FUT8: variants seen among roughly 807,000 people sequenced by gnomAD.
FUT8 encodes alpha-(1,6)-fucosyltransferase.
In FUT8, 29 loss-of-function variants were observed where a neutral mutation model predicts 71.3. That is an observed-to-expected ratio of 0.41 (90% CI 0.30 to 0.55). FUT8 has a LOEUF of 0.55. Among genes scored for constraint, FUT8 ranks in the 20% least tolerant of loss-of-function variants. FUT8 has a pLI of 0.34. For missense variants in FUT8, 544 were observed against 702.1 expected (o/e 0.77, Z 2.55); for synonymous variants, 254 against 239.3 (o/e 1.06, Z -0.57).
At chr14:65,700,448 T>C in intron 7 of FUT8, among the ~76,000 whole-genome samples, 1 of 130,836 alleles carries the variant, frequency 7.6e-6, no homozygotes, top group Non-Finnish European at 1.6e-5. Context: ...TGGAGTGCAG[T>C]GGCTCAATCT....
intron 2 of FUT8, among the ~76,000 whole-genome samples, chr14:65,460,399 T>C (rs1172709103): frequency 6.6e-6 from 1 of 152,234 alleles, no homozygotes; most frequent in Non-Finnish European, 1.5e-5. Context: ...TATTTGCTTG[T>C]AGCTCCTTTT....
At chr14:65,655,182 A>G (rs980830987) in intron 6 of FUT8, among the ~76,000 whole-genome samples, 2 of 150,364 alleles carry the variant, frequency 1.3e-5, no homozygotes, top group Admixed American at 6.7e-5. Flanking sequence ...AAAGAAAGAT[A>G]GAATGACTGG....
At chr14:65,378,845 T>TC in the FUT8 span, among the ~76,000 whole-genome samples, 1 of 133,566 alleles carries the variant, frequency 7.5e-6, no homozygotes, top group African/African-American at 2.8e-5. Context: ...AGGTTTTTTT[T>TC]TTTTTTTTTT....
In FUT8 at chr14:65,483,894, A is replaced by AT. The variant is rs759685256; in HGVS notation, c.-228+28181dup. Among the ~76,000 whole-genome samples the AT allele has an allele frequency of 2.6e-5, 4 of 152,036 alleles. No individual in the cohort carries two copies. Among genetic ancestry groups the AT allele is most frequent in the Non-Finnish European group, 4.4e-5 (3 of 67,964 alleles). ...ATTGCTCAGCTACCACACCCAGCTA[A>AT]TTTTTGTATTTTTAATAGGGATGGG... On this transcript the variant is annotated intron_variant, in intron 2 of 10. Transcript: ENST00000673929. This position sits in a 1 kb window ranked among gnomAD's most constrained non-coding sequence, Gnocchi z 4.4.
intron 3 of FUT8, among the ~76,000 whole-genome samples, chr14:65,596,206 C>T (rs1887969561): frequency 1.3e-5 from 2 of 152,064 alleles, no homozygotes; most frequent in East Asian, 1.9e-4. Flanking sequence ...AGAAAGTATA[C>T]ACAGAGATGA....
intron 6 of FUT8, among the ~76,000 whole-genome samples, chr14:65,662,474 T>C (rs1326105983): frequency 6.6e-6 from 1 of 152,220 alleles, no homozygotes; most frequent in East Asian, 1.9e-4. Context: ...TCTTGATTTA[T>C]ATGTACTATG....
the FUT8 span, among the ~76,000 whole-genome samples, chr14:65,383,358 G>A: frequency 2.4e-4 from 32 of 131,834 alleles, no homozygotes; most frequent in South Asian, 1.3e-3. Context: ...CACCGCAATC[G>A]CCGCCTCCGA....
chr14:65,465,189 T>C (rs1424150797), intron 2 of FUT8, among the ~76,000 whole-genome samples: 1 of 152,228 alleles, frequency 6.6e-6, no homozygotes, highest in Non-Finnish European at 1.5e-5. Flanking sequence ...TTTCTTCTGC[T>C]TCCTTTGGAT....
the FUT8 span, among the ~76,000 whole-genome samples, chr14:65,378,139 T>A: frequency 6.6e-6 from 1 of 152,178 alleles, no homozygotes; most frequent in Non-Finnish European, 1.5e-5. Flanking sequence ...GGCAAACATG[T>A]TGTAATGGAG....
intron 5 of FUT8, among the ~76,000 whole-genome samples, chr14:65,618,063 A>G (rs909534287): frequency 5.0e-4 from 59 of 117,936 alleles, no homozygotes; most frequent in South Asian, 1.1e-3. Flanking sequence ...ATGTATGTAT[A>G]TATTTATTTA....
intron 3 of FUT8, among the ~76,000 whole-genome samples, chr14:65,580,847 T>A (rs1887051774): frequency 6.6e-6 from 1 of 152,078 alleles, no homozygotes; most frequent in Admixed American, 6.6e-5. Context: ...CAGATAATAA[T>A]CTGAATCAGC....
At chr14:65,697,742 G>C (rs1162000212) in intron 7 of FUT8, among the ~76,000 whole-genome samples, 2 of 152,192 alleles carry the variant, frequency 1.3e-5, no homozygotes, top group African/African-American at 4.8e-5. Flanking sequence ...TCAGGAGTGA[G>C]GTGGGTGGAT....
At chr14:65,406,842 C>G (rs2065090701), upstream of FUT8, among the ~76,000 whole-genome samples, 1 of 152,136 alleles carries the variant, frequency 6.6e-6, no homozygotes, top group Non-Finnish European at 1.5e-5. Flanking sequence ...CTGGCCTGGG[C>G]CAGGTTTTAT....
At chr14:65,505,295 A>G (rs1334732264) in intron 2 of FUT8, among the ~76,000 whole-genome samples, 2 of 149,694 alleles carry the variant, frequency 1.3e-5, no homozygotes, top group South Asian at 2.1e-4. Flanking sequence ...TATGTCAAGT[A>G]CTACATTTCA....
intron 2 of FUT8, among the ~76,000 whole-genome samples, chr14:65,525,074 T>A (rs983120318): frequency 2.0e-5 from 3 of 152,226 alleles, no homozygotes; most frequent in Non-Finnish European, 1.5e-5. Context: ...GATGCTGGCC[T>A]CATAAAATGA....
intron 2 of FUT8, among the ~76,000 whole-genome samples, chr14:65,531,796 AT>A (rs1486759181): frequency 3.3e-5 from 5 of 151,948 alleles, no homozygotes; most frequent in Admixed American, 2.0e-4. Context: ...GGTAGGCTCC[AT>A]TGTCTATTGT....
At chr14:65,691,926 A>C (rs1049033369) in intron 7 of FUT8, among the ~76,000 whole-genome samples, 1 of 152,258 alleles carries the variant, frequency 6.6e-6, no homozygotes, top group Non-Finnish European at 1.5e-5. Flanking sequence ...GGGTAAGGTC[A>C]TAGATCAACA....
chr14:65,560,966 A>G (rs1885885563), intron 2 of FUT8, among the ~76,000 whole-genome samples: 1 of 152,180 alleles, frequency 6.6e-6, no homozygotes, highest in Non-Finnish European at 1.5e-5. Context: ...GAGATAATGA[A>G]CATATAGCCC....
At position 65,535,536 on chromosome 14, in the gene FUT8, T is replaced by C. The variant is rs570258292; in HGVS notation, c.-227-25801T>C. Among the ~76,000 whole-genome samples, 7 of 152,364 alleles carry C rather than the reference T, an allele frequency of 4.6e-5. No homozygotes were observed. In the South Asian group the frequency reaches 1.4e-3, roughly 32 times the overall value. ...TAAAGAACTTCTTTGGTTTCTGCCT[T>C]ACTCAGAAGTCATTCAGCAGCAGGT... On this transcript the variant is annotated intron_variant, in intron 2 of 10. Transcript: ENST00000673929.
Sources: allele counts gnomAD v4.1 joint callset (sites outside exome capture counted in the v4.1 genomes callset), GRCh38; gene constraint gnomAD v4.1.1; non-coding constraint Gnocchi (gnomAD v3.1); transcripts MANE v1.5; gene names NCBI Gene and HGNC (gene_info 2026-07-23, HGNC 2026-07-21).